The following TFAP2D variants were observed in gnomAD, a reference collection of about 807,000 sequenced individuals.
TFAP2D encodes transcription factor AP-2-delta.
Under a neutral mutation model 43.6 loss-of-function variants are expected in TFAP2D, and 9 were observed. The observed-to-expected ratio is 0.21, with a 90% CI of 0.12 to 0.36. The LOEUF (loss-of-function observed/expected upper bound fraction) is 0.36. Among genes scored for constraint, TFAP2D ranks in the 10% least tolerant of loss-of-function variants. The pLI is 1.00. For missense variants in TFAP2D, 513 were observed against 561.4 expected (o/e 0.91, Z 0.87); for synonymous variants, 256 against 224.9 (o/e 1.14, Z -1.24).
chr6:50,751,684 C>T (rs191362880), intron 7 of TFAP2D, among the ~76,000 whole-genome samples: 35 of 151,898 alleles, frequency 2.3e-4, no homozygotes, highest in African/African-American at 8.2e-4. Flanking sequence ...GGGTTCTGCC[C>T]TCATAAGCTA....
chr6:50,734,332 C>G (rs904722360), intron 5 of TFAP2D, among the ~76,000 whole-genome samples: 1 of 152,012 alleles, frequency 6.6e-6, no homozygotes, highest in Non-Finnish European at 1.5e-5. Context: ...CTTAACCTAG[C>G]TGAGCTTCAT....
intron 5 of TFAP2D, among the ~76,000 whole-genome samples, chr6:50,743,256 A>G (rs1769078513): frequency 6.6e-6 from 1 of 152,120 alleles, no homozygotes; most frequent in African/African-American, 2.4e-5. Flanking sequence ...AACCGCACTA[A>G]TATGTTTGCT....
intron 5 of TFAP2D, among the ~76,000 whole-genome samples, chr6:50,734,783 A>G (rs1424367405): frequency 6.6e-6 from 1 of 152,122 alleles, no homozygotes; most frequent in Non-Finnish European, 1.5e-5. Context: ...AAACAACTCT[A>G]TCATATATAA....
At position 50,715,187 on chromosome 6, in the gene TFAP2D, T is replaced by A; in HGVS notation, c.111T>A (p.Thr37=). Residue 37 remains threonine (T), a synonymous_variant, in exon 2 of 8, where the codon ACT becomes ACA. Transcript: ENST00000008391. ...GTCTGGAGTCAGTAGCCAATTCCAC[T>A]GTCGCCTATTCCTCCTCCTCTCCTT... ...LGCLESVANS[T]VAYSSSSPLT... 6.2e-7 allele frequency: 1 copy of A among 1,614,082 alleles called. No individual in the cohort carries two copies. The highest frequency in any genetic ancestry group is 2.2e-5 in the East Asian group (1 of 44,842).
chr6:50,719,196 A>C (rs745350617), intron 3 of TFAP2D, 46 bp downstream of exon 3: 1 of 1,580,588 alleles, frequency 6.3e-7, no homozygotes, highest in Non-Finnish European at 8.7e-7. Flanking sequence ...TTCTTCTCCT[A>C]TCTCTTACTT....
At chr6:50,739,395 A>G (rs994187841) in intron 5 of TFAP2D, among the ~76,000 whole-genome samples, 1 of 152,062 alleles carries the variant, frequency 6.6e-6, no homozygotes, top group South Asian at 2.1e-4. Context: ...TACAAAGGAC[A>G]TGAACTCATC....
At chr6:50,771,693 G>A (rs1308889225) in intron 7 of TFAP2D, among the ~76,000 whole-genome samples, 1 of 152,178 alleles carries the variant, frequency 6.6e-6, no homozygotes, top group Non-Finnish European at 1.5e-5. Context: ...AAACCACAAT[G>A]AGATACCATC....
At chr6:50,757,479 CTA>C (rs1437503141) in intron 7 of TFAP2D, among the ~76,000 whole-genome samples, 1,213 of 93,478 alleles carry the variant, frequency 0.013, 41 homozygotes, top group African/African-American at 0.023. Context: ...TATAATTATT[CTA>C]TATATATATA....
intron 3 of TFAP2D, among the ~76,000 whole-genome samples, chr6:50,719,501 G>GAAAGAAAAA (rs3835214): frequency 7.5e-6 from 1 of 133,460 alleles, no homozygotes; most frequent in South Asian, 2.4e-4. Context: ...AAGAAAGAAA[G>GAAAGAAAAA]AAGTTTCTCA....
At position 50,720,054 on chromosome 6, in the gene TFAP2D, C is replaced by G. The variant is rs539815321; in HGVS notation, c.598+904C>G. Among the ~76,000 whole-genome samples, 13 of 152,312 alleles carry G rather than the reference C, an allele frequency of 8.5e-5. No individual in the cohort carries two copies. The East Asian group carries it at 2.3e-3, about 27-fold the overall frequency. On this transcript the variant is annotated intron_variant, in intron 3 of 7. Transcript: ENST00000008391. ...TTTCTAGCAAGCTGAGTAACCCGAGCAGCACACAAGGCAAGAGGGACCAGC... is the reference window on the plus strand; with the variant it reads ...TTTCTAGCAAGCTGAGTAACCCGAGGAGCACACAAGGCAAGAGGGACCAGC...
intron 1 of TFAP2D, among the ~76,000 whole-genome samples, chr6:50,714,815 C>CTG (rs370095175): frequency 7.3e-5 from 11 of 150,194 alleles, no homozygotes; most frequent in East Asian, 1.9e-4. Flanking sequence ...GTGTGTGTGT[C>CTG]TGTGTGTGTG....
rs574429940 is a variant in TFAP2D at position 50,727,684 on chromosome 6, C to T, written c.599-1172C>T. Among the ~76,000 whole-genome samples the T allele has an allele frequency of 2.1e-4, 32 of 152,256 alleles. 1 individual carries two copies. In the South Asian group the frequency reaches 6.0e-3, roughly 29 times the overall value. ...CTCTTTTCTCTCATAGAACTTGTCC[C>T]TTTTCTGGATATGGGTTGTAAGATT... On this transcript the variant is annotated intron_variant, in intron 3 of 7. Coordinates refer to ENST00000008391, the MANE Select transcript of TFAP2D (RefSeq NM_172238.4).
chr6:50,766,763 G>C (rs1769450395), intron 7 of TFAP2D, among the ~76,000 whole-genome samples: 1 of 141,178 alleles, frequency 7.1e-6, no homozygotes, highest in Non-Finnish European at 1.5e-5. Context: ...CCGCTTCCCG[G>C]GTTCACGCCA....
At chr6:50,762,870 GAGAA>G (rs941280310) in intron 7 of TFAP2D, among the ~76,000 whole-genome samples, 4 of 152,140 alleles carry the variant, frequency 2.6e-5, no homozygotes, top group Non-Finnish European at 4.4e-5. Flanking sequence ...GACAGAGAGA[GAGAA>G]AGAAAGAGAA....
At chr6:50,770,300 G>A (rs1769506346) in intron 7 of TFAP2D, among the ~76,000 whole-genome samples, 1 of 152,236 alleles carries the variant, frequency 6.6e-6, no homozygotes, top group Non-Finnish European at 1.5e-5. Context: ...AGACCTTGTA[G>A]CAGAGGTGTG....
rs1581762311 is a variant in TFAP2D at position 50,728,753 on chromosome 6, C to T, written c.599-103C>T. 4 of 1,139,570 alleles carry T rather than the reference C, an allele frequency of 3.5e-6. No individual in the cohort carries two copies. In the East Asian group the frequency reaches 9.4e-5, roughly 27 times the overall value. 70.6% of individuals were successfully genotyped at this position (1,139,570 alleles called of 1,614,324 possible). ...GGGGATATATAAGTACAACTGTTAG[C>T]ATGTATTCCCAAATCCAGAATAGTC... On this transcript the variant is annotated intron_variant, in intron 3 of 7. Transcript: ENST00000008391.
intron 7 of TFAP2D, among the ~76,000 whole-genome samples, chr6:50,761,597 G>A (rs1054296826): frequency 1.4e-4 from 21 of 152,136 alleles, no homozygotes; most frequent in Middle Eastern, 3.4e-3. Flanking sequence ...GAATTCAGGA[G>A]AGGATTCCAT....
intron 5 of TFAP2D, among the ~76,000 whole-genome samples, chr6:50,742,599 T>TAGAA (rs1446590756): frequency 6.6e-6 from 1 of 151,170 alleles, no homozygotes; most frequent in African/African-American, 2.4e-5. Flanking sequence ...GATAGATAGA[T>TAGAA]AGATAGATAG....
intron 3 of TFAP2D, among the ~76,000 whole-genome samples, chr6:50,725,455 A>C (rs1046077395): frequency 1.3e-5 from 2 of 152,226 alleles, no homozygotes; most frequent in East Asian, 3.8e-4. Context: ...TGAACTGTAT[A>C]TGGAAAAGGG....
Sources: allele counts gnomAD v4.1 joint callset (sites outside exome capture counted in the v4.1 genomes callset), GRCh38; gene constraint gnomAD v4.1.1; transcripts MANE v1.5; gene names NCBI Gene and HGNC (gene_info 2026-07-23, HGNC 2026-07-21).